SPATA16: variants seen among roughly 807,000 people sequenced by gnomAD.
SPATA16 encodes the protein spermatogenesis associated 16, also known as spermatogenesis-associated protein 16.
A neutral mutation model predicts 63.3 loss-of-function variants in SPATA16; 36 were observed. That is an observed-to-expected ratio of 0.57 (90% CI 0.44 to 0.75). SPATA16 has a LOEUF of 0.75. Ranked by LOEUF, SPATA16 falls within the 30% of genes least tolerant of loss-of-function variation. The pLI is 0.00. For missense variants in SPATA16, 646 were observed against 679.3 expected (o/e 0.95, Z 0.54); for synonymous variants, 203 against 216.7 (o/e 0.94, Z 0.56).
chr3:173,059,832 CTTTTTTTTTTTTTT>C (rs201000096), intron 2 of SPATA16, among the ~76,000 whole-genome samples: 2 of 71,304 alleles, frequency 2.8e-5, no homozygotes, highest in Non-Finnish European at 5.4e-5. Context: ...CATTTGGTAG[CTTTTTTTTTTTTTT>C]TTTTTTTTTT....
At chr3:172,900,970 T>C (rs992801732) in intron 10 of SPATA16, among the ~76,000 whole-genome samples, 11 of 152,136 alleles carry the variant, frequency 7.2e-5, no homozygotes, top group African/African-American at 2.4e-4. Context: ...TGTCCTGTCT[T>C]TCTTTCACTG....
chr3:173,089,567 G>C (rs776673455), intron 2 of SPATA16, among the ~76,000 whole-genome samples: 4 of 152,168 alleles, frequency 2.6e-5, no homozygotes, highest in Non-Finnish European at 5.9e-5. Flanking sequence ...AAATGAACCA[G>C]AGGAGGCCCT....
intron 2 of SPATA16, among the ~76,000 whole-genome samples, chr3:173,059,343 T>C (rs1736321543): frequency 6.6e-6 from 1 of 151,812 alleles, no homozygotes; most frequent in South Asian, 2.1e-4. Context: ...TAATGTCTTT[T>C]TTTTTGGTTA....
chr3:172,943,330 C>A (rs1040900039), intron 6 of SPATA16, among the ~76,000 whole-genome samples: 4 of 152,128 alleles, frequency 2.6e-5, no homozygotes, highest in Non-Finnish European at 5.9e-5. Context: ...AAATTTAAGT[C>A]TTTTTAAATG....
rs1171508891 is a variant in SPATA16, at chr3:173,117,390, G to A, written c.342C>T (p.His114=). The change falls in exon 2 of 11, where the codon CAC becomes CAT. Residue 114 remains histidine (H), a synonymous_variant. Coordinates refer to ENST00000351008, the MANE Select transcript of SPATA16 (RefSeq NM_031955.6). The part of the protein sequence containing the change: ...DNQLITMPLP[H]IPLKNIMDVE... ...CATCCATTATGTTCTTTAAGGGGAT[G>A]TGAGGCAGAGGCATGGTGATTAACT... 6.2e-7 allele frequency: 1 copy of A among 1,614,080 alleles called. No homozygotes were observed. The highest frequency in any genetic ancestry group is 1.3e-5 in the African/African-American group (1 of 74,938).
intron 6 of SPATA16, among the ~76,000 whole-genome samples, chr3:172,935,111 G>C (rs547371235): frequency 1.3e-5 from 2 of 152,300 alleles, no homozygotes; most frequent in South Asian, 4.1e-4. Context: ...AAATCAGTTA[G>C]TATAGACAAG....
chr3:172,904,618 T>C (rs986394669), intron 10 of SPATA16, among the ~76,000 whole-genome samples: 2 of 152,180 alleles, frequency 1.3e-5, no homozygotes, highest in African/African-American at 4.8e-5. Flanking sequence ...AGGTGCAAAG[T>C]GGGTGATTAG....
chr3:173,034,295 GTATACTGAAT>G (rs1470360562), intron 3 of SPATA16, among the ~76,000 whole-genome samples: 1 of 151,984 alleles, frequency 6.6e-6, no homozygotes, highest in Non-Finnish European at 1.5e-5. Context: ...CTGAAATATA[GTATACTGAAT>G]TCCATTACAT....
At chr3:172,961,706 A>G (rs1733789659) in intron 5 of SPATA16, among the ~76,000 whole-genome samples, 1 of 152,140 alleles carries the variant, frequency 6.6e-6, no homozygotes. Flanking sequence ...CTAAGGACTT[A>G]TTAAATGACT....
At chr3:172,919,305 C>G (rs1490864308) in intron 8 of SPATA16, among the ~76,000 whole-genome samples, 2 of 152,152 alleles carry the variant, frequency 1.3e-5, no homozygotes, top group Admixed American at 6.6e-5. Flanking sequence ...GGACAGAAAT[C>G]CAGAAAATGA....
chr3:172,930,545 T>A (rs1369660613), intron 6 of SPATA16, among the ~76,000 whole-genome samples: 1 of 148,764 alleles, frequency 6.7e-6, no homozygotes, highest in Non-Finnish European at 1.5e-5. Flanking sequence ...CAATCTTCCA[T>A]TCAAACTCTT....
intron 2 of SPATA16, among the ~76,000 whole-genome samples, chr3:173,057,473 C>T (rs1423436836): frequency 1.0e-5 from 1 of 98,994 alleles, no homozygotes; most frequent in Non-Finnish European, 2.0e-5. Context: ...GCTATTATTC[C>T]TATCTATTAG....
intron 4 of SPATA16, among the ~76,000 whole-genome samples, chr3:172,987,906 G>A (rs1734491974): frequency 6.6e-6 from 1 of 152,038 alleles, no homozygotes; most frequent in African/African-American, 2.4e-5. Flanking sequence ...GGTGTGCTTC[G>A]CATTCCATCT....
chr3:172,944,629 T>C (rs1387502621), intron 6 of SPATA16, among the ~76,000 whole-genome samples: 1 of 152,192 alleles, frequency 6.6e-6, no homozygotes, highest in African/African-American at 2.4e-5. Context: ...AAATGTGATA[T>C]ACACATACAA....
chr3:172,965,734 C>T (rs1372603291), intron 5 of SPATA16, among the ~76,000 whole-genome samples: 2 of 151,764 alleles, frequency 1.3e-5, no homozygotes, highest in Non-Finnish European at 2.9e-5. Context: ...TGGGTTCAAG[C>T]GATTGTCTAA....
chr3:172,985,466 A>G (rs1423072688), intron 4 of SPATA16, among the ~76,000 whole-genome samples: 2 of 152,224 alleles, frequency 1.3e-5, no homozygotes, highest in African/African-American at 2.4e-5. Context: ...TGAGCTTCCA[A>G]TTGGGCTATC....
At position 172,902,033 on chromosome 3, in the gene SPATA16, A is replaced by G. The variant is rs182354374; in HGVS notation, c.1587+11628T>C. The stretch of plus-strand genomic sequence containing the variant: ...ACCCTGTTAGGGTAGGAAGATTGGG[A>G]TACCTTGTGTTTTTATTTTTGAGAG... On this transcript the variant is annotated intron_variant, in intron 10 of 10. Coordinates refer to ENST00000351008, the MANE Select transcript of SPATA16 (RefSeq NM_031955.6). 5.5e-4 allele frequency among the ~76,000 whole-genome samples: 83 copies of G among 152,126 alleles called. 1 individual carries two copies. Among genetic ancestry groups the G allele is most frequent in the Non-Finnish European group, 8.8e-4 (60 of 67,990 alleles).
At chr3:172,930,415 C>T (rs977893168) in intron 6 of SPATA16, among the ~76,000 whole-genome samples, 1 of 152,124 alleles carries the variant, frequency 6.6e-6, no homozygotes, top group African/African-American at 2.4e-5. Flanking sequence ...TGTGATTTTC[C>T]ACTCAGAAAC....
chr3:173,117,024 C>T, intron 2 of SPATA16, 96 bp downstream of exon 2: 1 of 1,229,920 alleles, frequency 8.1e-7, no homozygotes, highest in Non-Finnish European at 1.2e-6. Context: ...CTCATGATCA[C>T]TGCTTATTAC....
Sources: gnomAD v4.1 joint callset for allele counts (sites outside exome capture counted in the v4.1 genomes callset) on GRCh38, gnomAD v4.1.1 for gene constraint, MANE v1.5 for transcripts, NCBI Gene and HGNC (gene_info 2026-07-23, HGNC 2026-07-21) for gene names.